NHS: variants seen among roughly 807,000 people sequenced by gnomAD.
NHS encodes actin remodeling regulator NHS.
A neutral mutation model predicts 72.5 loss-of-function variants in NHS; 5 were observed. The ratio of observed to expected loss-of-function variants is 0.07; its 90% CI spans 0.04 to 0.14. The LOEUF (loss-of-function observed/expected upper bound fraction) is 0.14, where lower values mean the gene tolerates loss of function less well. Among genes scored for constraint, NHS ranks in the 10% least tolerant of loss-of-function variants. The pLI, the probability that NHS is intolerant of heterozygous loss-of-function variation, is 1.00. For synonymous variants in NHS, 464 were observed against 547.7 expected (o/e 0.85, Z 2.13); for missense variants, 1,072 against 1,355.7 (o/e 0.79, Z 3.29).
chrX:17,410,625 C>G (rs1444763550), intron 1 of NHS, among the ~76,000 whole-genome samples: 1 of 107,230 alleles, frequency 9.3e-6, no homozygotes, highest in Non-Finnish European at 1.9e-5. Context: ...AAAATGCAGG[C>G]CTTCATTTCC....
intron 1 of NHS, among the ~76,000 whole-genome samples, chrX:17,464,180 G>A (rs990904984): frequency 1.8e-5 from 2 of 111,749 alleles, no homozygotes; most frequent in Non-Finnish European, 1.9e-5. Flanking sequence ...AGAGATAGAG[G>A]CAGGAGAAGG....
chrX:17,522,625 C>T (rs765861140), intron 1 of NHS, among the ~76,000 whole-genome samples: 8 of 102,464 alleles, frequency 7.8e-5, no homozygotes, highest in African/African-American at 2.9e-4. Context: ...CTGGAAAAGC[C>T]GGACTGGATT....
chrX:17,591,197 C>T (rs1245163362), intron 1 of NHS, among the ~76,000 whole-genome samples: 1 of 111,987 alleles, frequency 8.9e-6, no homozygotes, highest in East Asian at 2.8e-4. Context: ...GCCAGAGTTA[C>T]TGTTGATGGA....
At chrX:17,658,310 A>G (rs755858794) in intron 1 of NHS, among the ~76,000 whole-genome samples, 3 of 112,423 alleles carry the variant, frequency 2.7e-5, no homozygotes, top group East Asian at 2.8e-4. Flanking sequence ...TGCATTAGCA[A>G]TTGCTGAAAA....
At position 17,628,066 on chromosome X, in the gene NHS, G is replaced by A. The variant is rs553700461; in HGVS notation, c.566-59676G>A. 5.3e-4 allele frequency among the ~76,000 whole-genome samples: 60 copies of A among 113,227 alleles called. 1 individual carries two copies. In the South Asian group the frequency reaches 0.02, roughly 38 times the overall value. ...AAGGAAGAGGAAGTGCCAGCCTGGA[G>A]GGCAAAAGGTTCTAAACTGGGAACT... On this transcript the variant is annotated intron_variant, in intron 1 of 8. Coordinates refer to ENST00000676302, the MANE Select transcript of NHS (RefSeq NM_001291867.2).
chrX:17,694,774 GT>G (rs745462547), intron 3 of NHS, among the ~76,000 whole-genome samples: 1 of 111,583 alleles, frequency 9.0e-6, no homozygotes, highest in Non-Finnish European at 1.9e-5. Context: ...AACATCAGAT[GT>G]TATTATTATT....
chrX:17,734,113 C>T lies in NHS; in HGVS notation c.*1649C>T, dbSNP rs2066506376. The T allele has an allele frequency of 8.9e-6, 1 of 111,811 alleles. No individual in the cohort carries two copies. The highest frequency in any genetic ancestry group is 3.8e-4 in the South Asian group (1 of 2,653). 9.2% of individuals were successfully genotyped at this position (111,811 alleles called of 1,213,427 possible). On this transcript the variant is annotated 3_prime_UTR_variant, in exon 9 of 9. Transcript: ENST00000676302. ...GAGAGAGAATTAAGAAGGGATCTGACTTATAAAAGACTAGAATGTGATTAG... is the reference window on the plus strand; with the variant it reads ...GAGAGAGAATTAAGAAGGGATCTGATTTATAAAAGACTAGAATGTGATTAG...
intron 1 of NHS, among the ~76,000 whole-genome samples, chrX:17,661,228 A>G (rs1354841778): frequency 8.9e-6 from 1 of 111,911 alleles, no homozygotes; most frequent in East Asian, 2.8e-4. Flanking sequence ...GGAGCATACC[A>G]ATTGGATGAG....
chrX:17,474,950 C>G (rs1394198941), intron 1 of NHS, among the ~76,000 whole-genome samples: 1 of 111,420 alleles, frequency 9.0e-6, no homozygotes, highest in African/African-American at 3.3e-5. Context: ...ACTGAAAAAA[C>G]TCCCTGTGCC....
chrX:17,537,346 C>G (rs1428366958), intron 1 of NHS, among the ~76,000 whole-genome samples: 2 of 109,865 alleles, frequency 1.8e-5, no homozygotes, highest in Non-Finnish European at 3.8e-5. Context: ...TAAACTGGAG[C>G]AAATCTACAC....
Position 17,728,726 on chromosome X carries a change from T to C in NHS, c.4300T>C (p.Ser1434Pro). The C allele has an allele frequency of 8.3e-7, 1 of 1,211,150 alleles. No individual in the cohort carries two copies. The highest frequency in any genetic ancestry group is 1.1e-6 in the Non-Finnish European group (1 of 895,153). The change falls in exon 8 of 9, where the codon TCT becomes CCT. Residue 1434 changes from serine to proline, a missense_variant. Ser to Pro is a moderately conservative substitution (Grantham distance 74). Coordinates refer to ENST00000676302, the MANE Select transcript of NHS (RefSeq NM_001291867.2). The stretch of plus-strand genomic sequence containing the variant: ...AGCTGAAGCAGAGGGTGTGTTCGTG[T>C]CTCCAAACAAACCTCGAACAACTGA... Reference protein sequence around the residue: ...SQAEAEGVFVSPNKPRTTEDL... With the variant: ...SQAEAEGVFVPPNKPRTTEDL...
At chrX:17,692,573 A>G in intron 3 of NHS, 105 bp downstream of exon 3, 1 of 1,031,291 alleles carries the variant, frequency 9.7e-7, no homozygotes. Context: ...GGGCTGGCTA[A>G]GAGCTCAAAT....
chrX:17,391,131 C>G (rs1316964245), intron 1 of NHS, among the ~76,000 whole-genome samples: 1 of 111,776 alleles, frequency 8.9e-6, no homozygotes, highest in Non-Finnish European at 1.9e-5. Flanking sequence ...GCTTTGTGTG[C>G]TTCTCTGTGG....
intron 1 of NHS, among the ~76,000 whole-genome samples, chrX:17,624,786 C>T (rs1410259233): frequency 8.9e-6 from 1 of 112,556 alleles, no homozygotes; most frequent in Non-Finnish European, 1.9e-5. Context: ...ACAGAGAGAA[C>T]TGGATGGTTG....
rs1247786590 is a variant in NHS, at chrX:17,727,866, G to A, written c.3760G>A (p.Glu1254Lys). 8.3e-7 allele frequency: 1 copy of A among 1,210,296 alleles called. No homozygotes were observed. Among genetic ancestry groups the A allele is most frequent in the Middle Eastern group, 2.3e-4 (1 of 4,374 alleles). Residue 1254 changes from glutamate to lysine, a missense_variant, in exon 7 of 9, where the codon GAG becomes AAG. Glu to Lys is a moderately conservative substitution (Grantham distance 56). Coordinates refer to ENST00000676302, the MANE Select transcript of NHS (RefSeq NM_001291867.2). Reference sequence around the variant, plus strand: ...TGTCACAAAAGACCAAGTGCGTACAGAGACTGAGCCTATTCCAGAAAACAC... The same window carrying A: ...TGTCACAAAAGACCAAGTGCGTACAAAGACTGAGCCTATTCCAGAAAACAC... ...SNVTKDQVRT[E>K]TEPIPENTPT...
intron 1 of NHS, among the ~76,000 whole-genome samples, chrX:17,547,989 A>G (rs1317797537): frequency 2.7e-5 from 3 of 111,819 alleles, no homozygotes; most frequent in African/African-American, 9.8e-5. Context: ...GCAGGAGAGG[A>G]CAAGCCTGGA....
At chrX:17,703,562 A>G (rs753289219) in intron 3 of NHS, among the ~76,000 whole-genome samples, 1 of 112,106 alleles carries the variant, frequency 8.9e-6, no homozygotes, top group South Asian at 3.7e-4. Context: ...GCGAGACTCC[A>G]TGTTTCTAAG....
chrX:17,508,131 G>A (rs1305999294), intron 1 of NHS, among the ~76,000 whole-genome samples: 1 of 109,529 alleles, frequency 9.1e-6, no homozygotes, highest in Non-Finnish European at 1.9e-5. Context: ...TACAACCATT[G>A]TGATGAACTA....
intron 1 of NHS, among the ~76,000 whole-genome samples, chrX:17,529,042 C>CT (rs994997031): frequency 9.1e-6 from 1 of 110,223 alleles, no homozygotes; most frequent in Non-Finnish European, 1.9e-5. Context: ...TTCCTTCTTT[C>CT]TTTTTTCTTC....
Sources: gnomAD v4.1 joint callset for allele counts (sites outside exome capture counted in the v4.1 genomes callset) on GRCh38, gnomAD v4.1.1 for gene constraint, MANE v1.5 for transcripts, NCBI Gene and HGNC (gene_info 2026-07-23, HGNC 2026-07-21) for gene names.